Variants in GRIK2 observed in about 807,000 individuals in gnomAD.
GRIK2 encodes glutamate ionotropic receptor kainate type subunit 2, also known as glutamate receptor ionotropic, kainate 2.
In GRIK2, 32 loss-of-function variants were observed where a neutral mutation model predicts 100.3. That is an observed-to-expected ratio of 0.32 (90% CI 0.24 to 0.43). GRIK2 has a LOEUF of 0.43. Ranked by LOEUF, GRIK2 falls within the 20% of genes least tolerant of loss-of-function variation. GRIK2 has a pLI of 1.00. For missense variants in GRIK2, 843 were observed against 1,114.9 expected (o/e 0.76, Z 3.47); for synonymous variants, 417 against 389.4 (o/e 1.07, Z -0.83).
intron 2 of GRIK2, among the ~76,000 whole-genome samples, chr6:101,423,007 GC>G (rs5878662): frequency 0.024 from 3,584 of 152,246 alleles, 106 homozygotes; most frequent in South Asian, 0.14. Context: ...CACATGGGAT[GC>G]AGATGGGCTG....
chr6:101,780,283 T>A (rs1341220313), intron 7 of GRIK2, among the ~76,000 whole-genome samples: 1 of 152,116 alleles, frequency 6.6e-6, no homozygotes, highest in South Asian at 2.1e-4. Flanking sequence ...TTTCCCCTCC[T>A]TTGCCCATCA....
At chr6:101,588,683 CAGAAA>C (rs1179585651) in intron 2 of GRIK2, among the ~76,000 whole-genome samples, 2 of 140,640 alleles carry the variant, frequency 1.4e-5, no homozygotes, top group East Asian at 3.9e-4. Flanking sequence ...CACACACACA[CAGAAA>C]AGAAAGAAAG....
chr6:101,816,666 G>A (rs1781648626), intron 9 of GRIK2, among the ~76,000 whole-genome samples: 1 of 151,868 alleles, frequency 6.6e-6, no homozygotes, highest in Admixed American at 6.6e-5. Flanking sequence ...ACTTCAGCCT[G>A]GTGACAGAGC....
intron 7 of GRIK2, among the ~76,000 whole-genome samples, chr6:101,762,342 T>A (rs1777778083): frequency 6.6e-6 from 1 of 151,942 alleles, no homozygotes; most frequent in African/African-American, 2.4e-5. Context: ...GCCTGGCTAA[T>A]TTTTTTATTT....
chr6:101,425,494 G>A (rs1036906689), intron 2 of GRIK2, among the ~76,000 whole-genome samples: 2 of 152,118 alleles, frequency 1.3e-5, no homozygotes, highest in African/African-American at 4.8e-5. Context: ...CACAACTGCT[G>A]ATAGTATTTC....
intron 12 of GRIK2, among the ~76,000 whole-genome samples, chr6:101,922,398 A>C (rs1789613809): frequency 6.6e-6 from 1 of 152,064 alleles, no homozygotes; most frequent in Non-Finnish European, 1.5e-5. Flanking sequence ...ATCTTTAGCT[A>C]TGTTTCTAGG....
chr6:102,052,176 C>A (rs1469352237), intron 15 of GRIK2, among the ~76,000 whole-genome samples: 1 of 152,058 alleles, frequency 6.6e-6, no homozygotes, highest in Non-Finnish European at 1.5e-5. Context: ...AGAAATACTT[C>A]CAAAGGAGCA....
At chr6:101,807,692 C>T (rs1394924965) in intron 9 of GRIK2, among the ~76,000 whole-genome samples, 1 of 151,790 alleles carries the variant, frequency 6.6e-6, no homozygotes, top group Non-Finnish European at 1.5e-5. Context: ...TTGACTTTCT[C>T]TGGCTGGTTC....
At position 101,507,793 on chromosome 6, in the gene GRIK2, G is replaced by A. The variant is rs566160294; in HGVS notation, c.115+108401G>A. Among the ~76,000 whole-genome samples, 31 of 152,256 alleles carry A rather than the reference G, an allele frequency of 2.0e-4. 1 individual carries two copies. Among genetic ancestry groups the A allele is most frequent in the Admixed American group, 1.9e-3 (29 of 15,294 alleles). On this transcript the variant is annotated intron_variant, in intron 2 of 16. Transcript: ENST00000369134. ...AAGAAGAATGGTAAACACAAAATCA[G>A]GATCATGCCCCCAGAAGGGAGGCAA...
chr6:101,756,664 C>G (rs1196947458), intron 7 of GRIK2, among the ~76,000 whole-genome samples: 1 of 152,120 alleles, frequency 6.6e-6, no homozygotes, highest in African/African-American at 2.4e-5. Context: ...AATAAACATT[C>G]AAGCGCTCTC....
intron 2 of GRIK2, among the ~76,000 whole-genome samples, chr6:101,465,302 A>G (rs1771583083): frequency 6.6e-6 from 1 of 151,838 alleles, no homozygotes; most frequent in South Asian, 2.1e-4. Flanking sequence ...TCCAATTTCT[A>G]TTATTCCACA....
chr6:101,811,150 G>A (rs1781303773), intron 9 of GRIK2, among the ~76,000 whole-genome samples: 1 of 151,970 alleles, frequency 6.6e-6, no homozygotes, highest in African/African-American at 2.4e-5. Context: ...ACTCATTACT[G>A]GAAAGAAATT....
intron 7 of GRIK2, among the ~76,000 whole-genome samples, chr6:101,797,782 A>G (rs932492289): frequency 2.7e-5 from 4 of 147,178 alleles, no homozygotes; most frequent in African/African-American, 9.8e-5. Flanking sequence ...ATTATATATT[A>G]CATACTATAT....
intron 10 of GRIK2, 84 bp downstream of exon 10, chr6:101,818,567 C>A: frequency 1.4e-6 from 1 of 730,052 alleles, no homozygotes; most frequent in Non-Finnish European, 2.4e-6. Flanking sequence ...ATTGGAACAG[C>A]AATGAACAGA....
intron 2 of GRIK2, among the ~76,000 whole-genome samples, chr6:101,580,557 T>G (rs1311595253): frequency 6.6e-6 from 1 of 152,180 alleles, no homozygotes; most frequent in African/African-American, 2.4e-5. Flanking sequence ...TTGTTTCTTT[T>G]GAACACAATA....
intron 2 of GRIK2, among the ~76,000 whole-genome samples, chr6:101,427,741 T>C (rs1769118842): frequency 1.3e-5 from 2 of 152,208 alleles, no homozygotes; most frequent in South Asian, 2.1e-4. Context: ...TTTAGGTGAA[T>C]TGGTCATTCA....
At chr6:101,571,132 T>C (rs553389534) in intron 2 of GRIK2, among the ~76,000 whole-genome samples, 1 of 152,230 alleles carries the variant, frequency 6.6e-6, no homozygotes, top group South Asian at 2.1e-4. Context: ...TAGGTTGCTA[T>C]TTAAAAATAA....
intron 7 of GRIK2, among the ~76,000 whole-genome samples, chr6:101,734,514 G>A (rs1461043849): frequency 2.0e-5 from 3 of 152,138 alleles, no homozygotes; most frequent in Non-Finnish European, 4.4e-5. Context: ...TAATTCAAGT[G>A]TTAATCTCAT....
intron 2 of GRIK2, among the ~76,000 whole-genome samples, chr6:101,589,061 G>A (rs758029105): frequency 1.1e-4 from 17 of 152,084 alleles, no homozygotes; most frequent in Non-Finnish European, 5.9e-5. Context: ...TGGTGAATGG[G>A]CAGAAGAATA....
Sources: allele counts gnomAD v4.1 joint callset (sites outside exome capture counted in the v4.1 genomes callset), GRCh38; gene constraint gnomAD v4.1.1; transcripts MANE v1.5; gene names NCBI Gene and HGNC (gene_info 2026-07-23, HGNC 2026-07-21).